The following SSBP2 variants were observed in gnomAD, a reference collection of about 807,000 sequenced individuals.
The protein encoded by SSBP2 is single stranded DNA binding protein 2.
Under a neutral mutation model 61.8 loss-of-function variants are expected in SSBP2, and 17 were observed. The ratio of observed to expected loss-of-function variants is 0.28; its 90% confidence interval spans 0.19 to 0.41. The LOEUF (loss-of-function observed/expected upper bound fraction) is 0.41, where lower values mean the gene tolerates loss of function less well. SSBP2 is among the 10% of genes least tolerant of loss of function. SSBP2 has a pLI of 1.00. For missense variants in SSBP2, 310 were observed against 458.7 expected, an observed-to-expected ratio of 0.68 and a Z score of 2.96; for synonymous variants, 139 against 141.3, an observed-to-expected ratio of 0.98 and a Z score of 0.12.
intron 2 of SSBP2, among the ~76,000 whole-genome samples, chr5:81,646,690 T>A (rs973966488): frequency 2.4e-3 from 33 of 13,594 alleles, no homozygotes; most frequent in African/African-American, 0.02. Flanking sequence ...ATGATGTCAT[T>A]TTTTTTTTTT....
intron 4 of SSBP2, among the ~76,000 whole-genome samples, chr5:81,604,779 C>T (rs10942275): frequency 0.24 from 36,802 of 151,910 alleles, 4,596 homozygotes; most frequent in Non-Finnish European, 0.26. Context: ...CCAGGTAAAG[C>T]GGCAGCAAAG....
intron 8 of SSBP2, among the ~76,000 whole-genome samples, chr5:81,467,969 T>C (rs992362507): frequency 3.3e-5 from 5 of 152,018 alleles, no homozygotes; most frequent in Non-Finnish European, 7.4e-5. Flanking sequence ...ATGTTAGGAA[T>C]CTCAAATCTT....
chr5:81,423,137 C>T (rs1306066870), intron 16 of SSBP2, among the ~76,000 whole-genome samples: 1 of 152,114 alleles, frequency 6.6e-6, no homozygotes. Flanking sequence ...CTATGCTTTC[C>T]GCAGCTACTG....
chr5:81,432,087 T>C (rs1458537610), intron 15 of SSBP2, among the ~76,000 whole-genome samples: 1 of 152,252 alleles, frequency 6.6e-6, no homozygotes, highest in Non-Finnish European at 1.5e-5. Context: ...AATTGCTTTC[T>C]CACAGGCTGC....
At chr5:81,432,822 C>T (rs368823409) in intron 15 of SSBP2, among the ~76,000 whole-genome samples, 1 of 150,882 alleles carries the variant, frequency 6.6e-6, no homozygotes, top group Non-Finnish European at 1.5e-5. Flanking sequence ...GTCAGCCCCC[C>T]GCCCGGCCAG....
chr5:81,688,390 A>G (rs909774233), intron 1 of SSBP2, among the ~76,000 whole-genome samples: 1 of 152,142 alleles, frequency 6.6e-6, no homozygotes, highest in Non-Finnish European at 1.5e-5. Flanking sequence ...TGACTTTGCC[A>G]TCTGCTGATT....
chr5:81,641,376 C>G (rs1748770366), intron 2 of SSBP2, among the ~76,000 whole-genome samples: 1 of 152,240 alleles, frequency 6.6e-6, no homozygotes, highest in South Asian at 2.1e-4. Flanking sequence ...CATATATCAT[C>G]ATTTCATGCT....
chr5:81,517,926 T>G (rs1389935592), intron 4 of SSBP2, among the ~76,000 whole-genome samples: 2 of 152,094 alleles, frequency 1.3e-5, no homozygotes, highest in Admixed American at 1.3e-4. Context: ...ATACTCTGTA[T>G]GAAAGTTTCA....
chr5:81,609,668 G>A (rs563198472), intron 4 of SSBP2, among the ~76,000 whole-genome samples: 24 of 152,302 alleles, frequency 1.6e-4, no homozygotes, highest in Non-Finnish European at 2.9e-4. Context: ...TGAAAGCCAA[G>A]CTAAAGGTCA....
At chr5:81,694,850 C>T (rs533219602) in intron 1 of SSBP2, among the ~76,000 whole-genome samples, 4 of 152,140 alleles carry the variant, frequency 2.6e-5, no homozygotes, top group Admixed American at 6.5e-5. Context: ...ATGGTACATT[C>T]CTGTACGACT....
At chr5:81,587,621 T>A (rs1203250609) in intron 4 of SSBP2, among the ~76,000 whole-genome samples, 1 of 152,058 alleles carries the variant, frequency 6.6e-6, no homozygotes, top group Admixed American at 6.5e-5. Context: ...TCCCAGCTAC[T>A]CGGGAGGCTG....
chr5:81,722,535 A>G (rs556015465), intron 1 of SSBP2, among the ~76,000 whole-genome samples: 2 of 151,982 alleles, frequency 1.3e-5, no homozygotes, highest in Admixed American at 6.6e-5. Flanking sequence ...ATGCCCTGCT[A>G]AAGAATTCTG....
At chr5:81,718,174 C>CA (rs1015201999) in intron 1 of SSBP2, among the ~76,000 whole-genome samples, 1 of 151,772 alleles carries the variant, frequency 6.6e-6, no homozygotes, top group Non-Finnish European at 1.5e-5. Context: ...AAGCTCATAA[C>CA]AACACATTAT....
intron 4 of SSBP2, among the ~76,000 whole-genome samples, chr5:81,574,542 A>G (rs78777375): frequency 0.011 from 1,730 of 152,236 alleles, 25 homozygotes; most frequent in African/African-American, 0.039. Context: ...AAACTTTCCA[A>G]ACTGATTAAA....
chr5:81,673,797 T>C (rs1751766116), intron 1 of SSBP2, among the ~76,000 whole-genome samples: 1 of 152,200 alleles, frequency 6.6e-6, no homozygotes, highest in Non-Finnish European at 1.5e-5. Context: ...ATTAAAATGA[T>C]AAGAAGGCAA....
intron 10 of SSBP2, among the ~76,000 whole-genome samples, chr5:81,454,690 T>C (rs547842710): frequency 1.3e-5 from 2 of 149,190 alleles, no homozygotes; most frequent in African/African-American, 5.0e-5. Context: ...CAAAAAAAAA[T>C]AATAGAACAA....
intron 4 of SSBP2, among the ~76,000 whole-genome samples, chr5:81,528,316 G>C (rs1236815722): frequency 6.6e-6 from 1 of 152,046 alleles, no homozygotes; most frequent in African/African-American, 2.4e-5. Flanking sequence ...TGTCAAGTAA[G>C]TGTATCAAGT....
chr5:81,723,766 C>G (rs1013775907), intron 1 of SSBP2, among the ~76,000 whole-genome samples: 2 of 151,946 alleles, frequency 1.3e-5, no homozygotes, highest in African/African-American at 4.8e-5. Context: ...TCCATATAGA[C>G]TGTTGGACCA....
At chr5:81,664,117 TTTTTTG>T (rs1328395891) in intron 1 of SSBP2, among the ~76,000 whole-genome samples, 1 of 140,410 alleles carries the variant, frequency 7.1e-6, no homozygotes, top group East Asian at 1.9e-4. Flanking sequence ...TTTTTTTTTG[TTTTTTG>T]TTTTTGTTTT....
Sources: gnomAD v4.1 joint callset for allele counts (sites outside exome capture counted in the v4.1 genomes callset) on GRCh38, gnomAD v4.1.1 for gene constraint, MANE v1.5 for transcripts, NCBI Gene and HGNC (gene_info 2026-07-23, HGNC 2026-07-21) for gene names.